CDK8: variants seen among roughly 807,000 people sequenced by gnomAD.
CDK8 encodes cyclin-dependent kinase 8.
In CDK8, 29 loss-of-function variants were observed where a neutral mutation model predicts 71.5. The ratio of observed to expected loss-of-function variants is 0.41; its 90% CI spans 0.30 to 0.55. CDK8 has a LOEUF of 0.55. Among genes scored for constraint, CDK8 ranks in the 20% least tolerant of loss-of-function variants. CDK8 has a pLI of 0.37. For missense variants in CDK8, 288 were observed against 572.6 expected (o/e 0.50, Z 5.07); for synonymous variants, 161 against 192.1 (o/e 0.84, Z 1.34).
intron 6 of CDK8, among the ~76,000 whole-genome samples, chr13:26,387,369 C>T (rs1364957313): frequency 2.0e-5 from 3 of 152,146 alleles, no homozygotes; most frequent in Admixed American, 2.0e-4. Context: ...AATCAGGTTA[C>T]TAAAACTGCT....
chr13:26,322,330 C>A (rs1874813452), intron 1 of CDK8, among the ~76,000 whole-genome samples: 1 of 152,112 alleles, frequency 6.6e-6, no homozygotes. Context: ...TTTGATGACC[C>A]TAAATGACCC....
intron 1 of CDK8, among the ~76,000 whole-genome samples, chr13:26,290,046 T>G (rs1873223786): frequency 1.3e-5 from 2 of 152,208 alleles, no homozygotes; most frequent in Admixed American, 6.5e-5. Flanking sequence ...AATTTTGACT[T>G]TATCATGTAT....
chr13:26,263,117 A>C (rs758585784), intron 1 of CDK8, among the ~76,000 whole-genome samples: 8 of 151,868 alleles, frequency 5.3e-5, no homozygotes, highest in Non-Finnish European at 8.8e-5. Context: ...TTGAGGAAAG[A>C]AGGAGTAGGT....
At chr13:26,379,263 T>C (rs1200927299) in intron 4 of CDK8, among the ~76,000 whole-genome samples, 1 of 152,210 alleles carries the variant, frequency 6.6e-6, no homozygotes, top group Non-Finnish European at 1.5e-5. Flanking sequence ...GAGAGAGTGT[T>C]GGGATAAAAG....
At chr13:26,389,180 A>G (rs1875621574) in intron 6 of CDK8, among the ~76,000 whole-genome samples, 1 of 152,088 alleles carries the variant, frequency 6.6e-6, no homozygotes, top group African/African-American at 2.4e-5. Context: ...TTATTTATTT[A>G]GAGACAGAGT....
chr13:26,338,459 C>T (rs1253644260), intron 2 of CDK8, among the ~76,000 whole-genome samples: 1 of 152,090 alleles, frequency 6.6e-6, no homozygotes, highest in African/African-American at 2.4e-5. Flanking sequence ...GAAAAAGACT[C>T]ATAAATCTAA....
chr13:26,264,265 CT>C (rs147202437), intron 1 of CDK8, among the ~76,000 whole-genome samples: 3 of 151,586 alleles, frequency 2.0e-5, no homozygotes, highest in East Asian at 3.9e-4. Flanking sequence ...AGCTGCCGTT[CT>C]TTTTTTTCTT....
chr13:26,295,909 G>C (rs1291487309), intron 1 of CDK8, among the ~76,000 whole-genome samples: 1 of 152,144 alleles, frequency 6.6e-6, no homozygotes, highest in African/African-American at 2.4e-5. Context: ...AAGCATTAGA[G>C]ATTCTTCTCC....
At chr13:26,360,993 C>T (rs1335139139) in intron 4 of CDK8, among the ~76,000 whole-genome samples, 1 of 152,142 alleles carries the variant, frequency 6.6e-6, no homozygotes, top group Non-Finnish European at 1.5e-5. Context: ...ACCTATTGAT[C>T]TCTTTTATTG....
chr13:26,323,502 G>A (rs1874888089), intron 1 of CDK8, among the ~76,000 whole-genome samples: 1 of 152,040 alleles, frequency 6.6e-6, no homozygotes, highest in South Asian at 2.1e-4. Flanking sequence ...CCATCACATT[G>A]TGGGTTAGTG....
chr13:26,263,808 A>G (rs1035085876), intron 1 of CDK8, among the ~76,000 whole-genome samples: 35 of 146,490 alleles, frequency 2.4e-4, no homozygotes, highest in African/African-American at 8.0e-4. Context: ...GTGCAGTGGC[A>G]CGATCTCGGC....
intron 1 of CDK8, among the ~76,000 whole-genome samples, chr13:26,337,048 G>C (rs374600408): frequency 4.2e-5 from 6 of 142,224 alleles, no homozygotes; most frequent in African/African-American, 1.5e-4. Context: ...TGGGTACATA[G>C]TAAGTGTTCA....
intron 1 of CDK8, among the ~76,000 whole-genome samples, chr13:26,332,499 A>G (rs9319293): frequency 0.023 from 3,459 of 151,108 alleles, 137 homozygotes; most frequent in African/African-American, 0.08. Context: ...ATATATATAT[A>G]TATAAAATCA....
At chr13:26,392,117 G>T (rs1000414588) in intron 6 of CDK8, among the ~76,000 whole-genome samples, 1 of 152,088 alleles carries the variant, frequency 6.6e-6, no homozygotes, top group Non-Finnish European at 1.5e-5. Context: ...CTTAGTTTAG[G>T]ATTTGTTAAG....
chr13:26,278,653 T>C (rs1201067634), intron 1 of CDK8, among the ~76,000 whole-genome samples: 7 of 152,212 alleles, frequency 4.6e-5, no homozygotes, highest in Admixed American at 4.6e-4. Context: ...TGTGCTCTAG[T>C]GACATTTTGT....
intron 1 of CDK8, among the ~76,000 whole-genome samples, chr13:26,322,390 T>C (rs1288638906): frequency 6.6e-6 from 1 of 152,112 alleles, no homozygotes; most frequent in Non-Finnish European, 1.5e-5. Flanking sequence ...TTCACCTCCA[T>C]CCACTGTGAC....
intron 4 of CDK8, among the ~76,000 whole-genome samples, chr13:26,363,958 A>G (rs906992991): frequency 6.6e-6 from 1 of 152,130 alleles, no homozygotes; most frequent in Non-Finnish European, 1.5e-5. Context: ...AAGTGAAAAA[A>G]CACCTAATGT....
chr13:26,321,607 ATATAAC>A (rs1874779821), intron 1 of CDK8, among the ~76,000 whole-genome samples: 2 of 152,196 alleles, frequency 1.3e-5, no homozygotes, highest in Non-Finnish European at 2.9e-5. Flanking sequence ...TATGTAAACT[ATATAAC>A]TATGATATTT....
intron 6 of CDK8, among the ~76,000 whole-genome samples, chr13:26,386,902 G>C (rs1270738819): frequency 6.6e-6 from 1 of 152,140 alleles, no homozygotes; most frequent in Non-Finnish European, 1.5e-5. Context: ...ATTTCACAGT[G>C]ATATGCTGAC....
Sources: allele counts gnomAD v4.1 joint callset (sites outside exome capture counted in the v4.1 genomes callset), GRCh38; gene constraint gnomAD v4.1.1; transcripts MANE v1.5; gene names NCBI Gene and HGNC (gene_info 2026-07-23, HGNC 2026-07-21).